Variants in SHANK1 observed in about 807,000 individuals in gnomAD.
SHANK1 encodes SH3 and multiple ankyrin repeat domains 1.
Under a neutral mutation model 165.6 loss-of-function variants are expected in SHANK1, and 35 were observed. The observed-to-expected ratio is 0.21, with a 90% CI of 0.16 to 0.28. The LOEUF is 0.28. Ranked by LOEUF, SHANK1 falls within the 10% of genes least tolerant of loss-of-function variation. The pLI, the probability that SHANK1 is intolerant of heterozygous loss-of-function variation, is 1.00. For missense variants in SHANK1, 2,681 were observed against 3,036.4 expected (o/e 0.88, Z 2.75); for synonymous variants, 1,428 against 1,384.8 (o/e 1.03, Z -0.69).
Position 50,687,918 on chromosome 19 carries a change from A to G in SHANK1, c.2308+5T>C. The G allele has an allele frequency of 1.9e-6, 3 of 1,613,908 alleles. No individual in the cohort carries two copies. The highest frequency in any genetic ancestry group is 2.2e-5 in the East Asian group (1 of 44,872). ...GGGTGGCTGCGAGAGTGGCCGCAGGAGCACCTTTCTTGTGCACTGCCTCAT... is the reference window on the plus strand; with the variant it reads ...GGGTGGCTGCGAGAGTGGCCGCAGGGGCACCTTTCTTGTGCACTGCCTCAT... On this transcript the variant is annotated splice_donor_5th_base_variant and intron_variant, in intron 18 of 23. Transcript: ENST00000293441.
At chr19:50,708,728 G>GT (rs555612101) in intron 8 of SHANK1, among the ~76,000 whole-genome samples, 345 of 152,306 alleles carry the variant, frequency 2.3e-3, no homozygotes, top group Non-Finnish European at 2.6e-3. Context: ...GCCAGGCACT[G>GT]TGCACAGTCT....
At chr19:50,710,059 A>T (rs2088989977) in intron 8 of SHANK1, among the ~76,000 whole-genome samples, 1 of 152,170 alleles carries the variant, frequency 6.6e-6, no homozygotes, top group Non-Finnish European at 1.5e-5. Context: ...ATGGAGCCTC[A>T]AAGAGGGGGA....
chr19:50,697,830 G>A lies in SHANK1; in HGVS notation c.1861+13C>T. 1 of 1,602,800 alleles carries A rather than the reference G, an allele frequency of 6.2e-7. No individual in the cohort carries two copies. On this transcript the variant is annotated intron_variant, in intron 13 of 23. Transcript: ENST00000293441. This position sits in a 1 kb window ranked among gnomAD's most constrained non-coding sequence, Gnocchi z 4.7. ...CTAGGGTCCATTGAACACTGCTGGG[G>A]GTTCCGCATTACCTTGCTTGCTCTC...
intron 23 of SHANK1, among the ~76,000 whole-genome samples, chr19:50,664,151 TAGATTTA>T (rs1985390226): frequency 6.7e-6 from 1 of 148,922 alleles, no homozygotes; most frequent in Non-Finnish European, 1.5e-5. Flanking sequence ...CCTGGGAGCA[TAGATTTA>T]AGTTGCCCCA....
At position 50,697,271 on chromosome 19, in the gene SHANK1, T is replaced by C. The variant is rs971737647; in HGVS notation, c.1938-149A>G. 2.4e-6 allele frequency: 3 copies of C among 1,254,944 alleles called. No homozygotes were observed. The highest frequency in any genetic ancestry group is 3.4e-6 in the Non-Finnish European group (3 of 871,494). 77.7% of individuals were successfully genotyped at this position (1,254,944 alleles called of 1,614,324 possible). ...CCCACTGCACATGACTGCACAGAGA[T>C]GGGGCACATGAAGGAGACAAGGGCC... On this transcript the variant is annotated intron_variant, in intron 14 of 23. Coordinates refer to ENST00000293441, the MANE Select transcript of SHANK1 (RefSeq NM_016148.5). The surrounding 1 kb of genome is among the most constrained non-coding windows in gnomAD (Gnocchi z 4.7).
At position 50,713,692 on chromosome 19, in the gene SHANK1, A is replaced by T; in HGVS notation, c.792+106T>A. 2 of 1,417,758 alleles carry T rather than the reference A, an allele frequency of 1.4e-6. No homozygotes were observed. The highest frequency in any genetic ancestry group is 4.6e-5 in the East Asian group (2 of 43,762). The allele number at this position is 1,417,758 out of a possible 1,614,324, so 87.8% of individuals were successfully genotyped here. A position where few individuals can be genotyped will look rare whatever the true frequency, so the allele number is the denominator to read the frequency against. On this transcript the variant is annotated intron_variant, in intron 6 of 23. Transcript: ENST00000293441. This position sits in a 1 kb window ranked among gnomAD's most constrained non-coding sequence, Gnocchi z 6.2. ...AAAGGGGCTTTGAACTGGGGACATG[A>T]GAGGGCCTATTTTTAACTGAAACCA...
rs1482575568 is a variant in SHANK1, at chr19:50,719,622, G to A, written c.-260C>T. On this transcript the variant is annotated 5_prime_UTR_variant, in exon 1 of 24. Coordinates refer to ENST00000293441, the MANE Select transcript of SHANK1 (RefSeq NM_016148.5). ...CGGGCCGGGCCTGGCCATCCGCAGA[G>A]CGCCCCCCCTTCCGCCGCGGCCGCC... Among the ~76,000 whole-genome samples, 2 of 148,384 alleles carry A rather than the reference G, an allele frequency of 1.3e-5. No homozygotes were observed. Among genetic ancestry groups the A allele is most frequent in the African/African-American group, 4.9e-5 (2 of 40,612 alleles).
Position 50,673,885 on chromosome 19 carries a change from C to G in SHANK1, c.2578-1771G>C, listed in dbSNP as rs181228700. ...CACGGCTCACTGCAGCCTTGGCCTCCCGGGCCCAAGCGATCCCAACCCCAA... is the reference window on the plus strand; with the variant it reads ...CACGGCTCACTGCAGCCTTGGCCTCGCGGGCCCAAGCGATCCCAACCCCAA... On this transcript the variant is annotated intron_variant, in intron 21 of 23. Transcript: ENST00000293441. Among the ~76,000 whole-genome samples, 702 of 151,552 alleles carry G rather than the reference C, an allele frequency of 4.6e-3. 9 individuals carry two copies. The highest frequency in any genetic ancestry group is 0.016 in the African/African-American group (672 of 41,292).
Position 50,662,698 on chromosome 19 carries a change from G to C in SHANK1, c.5769-16C>G. On this transcript the variant is annotated splice_polypyrimidine_tract_variant and intron_variant, in intron 23 of 23. Coordinates refer to ENST00000293441, the MANE Select transcript of SHANK1 (RefSeq NM_016148.5). This position sits in a 1 kb window ranked among gnomAD's most constrained non-coding sequence, Gnocchi z 7.7. Reference sequence around the variant, plus strand: ...GTCGGAGAGTCTGGAATGTGACAAGGGGGCAGTGGGGGAGGACAGGGATTT... The same window carrying C: ...GTCGGAGAGTCTGGAATGTGACAAGCGGGCAGTGGGGGAGGACAGGGATTT... 1 of 1,557,414 alleles carries C rather than the reference G, an allele frequency of 6.4e-7. No homozygotes were observed. Among genetic ancestry groups the C allele is most frequent in the Non-Finnish European group, 8.7e-7 (1 of 1,150,382 alleles).
rs1401286290 is a variant in SHANK1, at chr19:50,713,317, T to C, written c.792+481A>G. Among the ~76,000 whole-genome samples, 5 of 151,520 alleles carry C rather than the reference T, an allele frequency of 3.3e-5. No individual in the cohort carries two copies. Among genetic ancestry groups the C allele is most frequent in the African/African-American group, 1.2e-4 (5 of 41,166 alleles). ...CTATTTGGGAAAGTGCATTTGAGGC[T>C]GTGTACGTGGGGAAGGGGCTGTATT... is the stretch of plus-strand genomic sequence containing the variant. On this transcript the variant is annotated intron_variant, in intron 6 of 23. Transcript: ENST00000293441. This position sits in a 1 kb window ranked among gnomAD's most constrained non-coding sequence, Gnocchi z 6.2.
intron 21 of SHANK1, among the ~76,000 whole-genome samples, chr19:50,676,568 G>A (rs1985992375): frequency 6.6e-6 from 1 of 152,166 alleles, no homozygotes; most frequent in East Asian, 1.9e-4. Context: ...GCAAGTTTCA[G>A]GTTTCTTTCA....
intron 21 of SHANK1, among the ~76,000 whole-genome samples, chr19:50,682,049 TCTTTTC>T (rs1324794422): frequency 6.8e-6 from 1 of 146,442 alleles, no homozygotes; most frequent in East Asian, 2.0e-4. Context: ...TGGCCTATTT[TCTTTTC>T]CTTTTTTCTA....
At chr19:50,669,313 G>T in intron 22 of SHANK1, 28 bp from the exon 23 acceptor site, 1 of 1,546,936 alleles carries the variant, frequency 6.5e-7, no homozygotes, top group Non-Finnish European at 8.9e-7. Flanking sequence ...CTCAAGGAGG[G>T]GGACCCTGGC....
intron 15 of SHANK1, among the ~76,000 whole-genome samples, chr19:50,691,359 C>T (rs1250441501): frequency 6.6e-6 from 1 of 152,094 alleles, no homozygotes; most frequent in Non-Finnish European, 1.5e-5. Flanking sequence ...TCCAAGGCCC[C>T]CCAGCAGCCA....
At chr19:50,677,090 G>A (rs1176985476) in intron 21 of SHANK1, among the ~76,000 whole-genome samples, 1 of 152,022 alleles carries the variant, frequency 6.6e-6, no homozygotes, top group East Asian at 1.9e-4. Context: ...TTAAGACCAT[G>A]GAGGCTGCTA....
intron 21 of SHANK1, among the ~76,000 whole-genome samples, chr19:50,677,333 G>A (rs1986014623): frequency 6.6e-6 from 1 of 151,994 alleles, no homozygotes; most frequent in East Asian, 1.9e-4. Flanking sequence ...TCACCATGTT[G>A]CCCAGGCTTG....
chr19:50,712,904 T>C lies in SHANK1; in HGVS notation c.793-790A>G, dbSNP rs952200762. On this transcript the variant is annotated intron_variant, in intron 6 of 23. Transcript: ENST00000293441. ...TAATTTAAATTTAAACAGCCCCAGG[T>C]GGCCAGTGGCTACTGGCTTGGATAG... Among the ~76,000 whole-genome samples, 12 of 152,268 alleles carry C rather than the reference T, an allele frequency of 7.9e-5. No individual in the cohort carries two copies. In the South Asian group the frequency reaches 2.1e-3, roughly 26 times the overall value.
intron 12 of SHANK1, among the ~76,000 whole-genome samples, chr19:50,700,497 A>G (rs1180909015): frequency 6.6e-6 from 1 of 151,978 alleles, no homozygotes; most frequent in East Asian, 1.9e-4. Flanking sequence ...GAAGAGTCGC[A>G]TGAGATGAGG....
At chr19:50,695,672 G>A (rs1246076348) in intron 15 of SHANK1, among the ~76,000 whole-genome samples, 5 of 152,138 alleles carry the variant, frequency 3.3e-5, no homozygotes, top group Non-Finnish European at 5.9e-5. Context: ...GACACCGCGG[G>A]TGAGAGAGGC....
Sources: gnomAD v4.1 joint callset for allele counts (sites outside exome capture counted in the v4.1 genomes callset) on GRCh38, gnomAD v4.1.1 for gene constraint, Gnocchi (gnomAD v3.1) non-coding constraint, MANE v1.5 for transcripts, NCBI Gene and HGNC (gene_info 2026-07-23, HGNC 2026-07-21) for gene names.